KIF18A: variants seen among roughly 807,000 people sequenced by gnomAD.
The protein encoded by KIF18A is kinesin family member 18A.
Under a neutral mutation model 103.3 loss-of-function variants are expected in KIF18A, and 67 were observed. That is an observed-to-expected ratio of 0.65 (90% CI 0.53 to 0.79). The LOEUF is 0.79. Among genes scored for constraint, KIF18A ranks in the 30% least tolerant of loss-of-function variants. KIF18A has a pLI of 0.00. For missense variants in KIF18A, 1,032 were observed against 1,062.5 expected, an observed-to-expected ratio of 0.97 and a Z score of 0.40; for synonymous variants, 367 against 355.5, an observed-to-expected ratio of 1.03 and a Z score of -0.36.
Position 28,073,976 on chromosome 11 carries a change from A to G in KIF18A, c.1425+3031T>C, listed in dbSNP as rs888649119. 3.3e-5 allele frequency among the ~76,000 whole-genome samples: 5 copies of G among 152,194 alleles called. No individual in the cohort carries two copies. In the East Asian group the frequency reaches 7.7e-4, roughly 24 times the overall value. On this transcript the variant is annotated intron_variant, in intron 10 of 16. Transcript: ENST00000263181. Reference sequence around the variant, plus strand: ...GCACATTCAAATAATTGACACTTATATAATCTACACAAAACTGAGAAGAAT... The same window carrying G: ...GCACATTCAAATAATTGACACTTATGTAATCTACACAAAACTGAGAAGAAT...
intron 15 of KIF18A, among the ~76,000 whole-genome samples, chr11:28,029,359 G>A (rs1850364918): frequency 1.3e-5 from 2 of 152,298 alleles, no homozygotes; most frequent in South Asian, 4.1e-4. Context: ...TCCCTGGGAT[G>A]CAAGGCTGGT....
chr11:28,038,797 C>A (rs1203873065), intron 13 of KIF18A, among the ~76,000 whole-genome samples: 1 of 151,646 alleles, frequency 6.6e-6, no homozygotes, highest in Non-Finnish European at 1.5e-5. Flanking sequence ...TAAATGAGAT[C>A]CAGATCTTAA....
intron 1 of KIF18A, among the ~76,000 whole-genome samples, chr11:28,098,471 A>G (rs1422104701): frequency 6.6e-6 from 1 of 152,178 alleles, no homozygotes; most frequent in Non-Finnish European, 1.5e-5. Context: ...TTTTTAGTAA[A>G]AGTGATCTTG....
At position 28,097,859 on chromosome 11, in the gene KIF18A, A is replaced by G; in HGVS notation, c.89T>C (p.Phe30Ser). The G allele has an allele frequency of 1.9e-6, 3 of 1,612,034 alleles. No individual in the cohort carries two copies. Among genetic ancestry groups the G allele is most frequent in the Non-Finnish European group, 2.5e-6 (3 of 1,179,342 alleles). ...ATCCACAACATGAACCACTTTATGA[A>G]ATCCAGCTGCTTTTTCTTTAGTGTT... ...PENTKEKAAG[F>S]HKVVHVVDKH... The change falls in exon 2 of 17, where the codon TTT becomes TCT. Residue 30 changes from phenylalanine to serine, a missense_variant. Phe to Ser is a radical substitution (Grantham distance 155, BLOSUM62 -2). Transcript: ENST00000263181.
rs1590666858 is a variant in KIF18A, at chr11:28,036,803, A to C, written c.1949-139T>G. On this transcript the variant is annotated intron_variant, in intron 13 of 16. Coordinates refer to ENST00000263181, the MANE Select transcript of KIF18A (RefSeq NM_031217.4). Reference sequence around the variant, plus strand: ...TAAAAATCTGAAAAATATAAGTTGGAAAGGAAAATATCACGGTTTACTGCT... The same window carrying C: ...TAAAAATCTGAAAAATATAAGTTGGCAAGGAAAATATCACGGTTTACTGCT... The C allele has an allele frequency of 1.5e-5, 8 of 523,448 alleles. No homozygotes were observed. In the East Asian group the frequency reaches 2.3e-4, roughly 15 times the overall value. The allele number at this position is 523,448 out of a possible 1,614,324, so 32.4% of individuals were successfully genotyped here. A position where few individuals can be genotyped will look rare whatever the true frequency, so the allele number is the denominator to read the frequency against.
intron 15 of KIF18A, 48 bp from the exon 16 acceptor site, chr11:28,023,898 C>T (rs1483388570): frequency 6.3e-6 from 6 of 953,542 alleles, no homozygotes; most frequent in Non-Finnish European, 8.4e-6. Context: ...TTTTATACCT[C>T]AAAGTTCTAA....
intron 7 of KIF18A, 58 bp from the exon 8 acceptor site, chr11:28,083,301 T>C (rs1453283869): frequency 1.4e-6 from 2 of 1,478,064 alleles, no homozygotes; most frequent in African/African-American, 3.0e-5. Flanking sequence ...CAGAGATAAA[T>C]ACATGAATAA....
chr11:28,052,312 C>T (rs1850721416), intron 13 of KIF18A, among the ~76,000 whole-genome samples: 1 of 152,068 alleles, frequency 6.6e-6, no homozygotes, highest in Admixed American at 6.6e-5. Context: ...GAGTAAAAGA[C>T]TAATTAAGTC....
intron 1 of KIF18A, among the ~76,000 whole-genome samples, chr11:28,107,437 T>G (rs1320040275): frequency 6.6e-6 from 1 of 152,084 alleles, no homozygotes; most frequent in African/African-American, 2.4e-5. Flanking sequence ...TCTAAATGTT[T>G]ACAGTTTAAT....
chr11:28,105,899 C>G (rs776108181), intron 1 of KIF18A, among the ~76,000 whole-genome samples: 1 of 152,138 alleles, frequency 6.6e-6, no homozygotes, highest in Non-Finnish European at 1.5e-5. Context: ...GCATTCAATC[C>G]TTATAATAAT....
chr11:28,097,560 T>C (rs946399499), intron 2 of KIF18A, 63 bp downstream of exon 2: 1 of 1,037,088 alleles, frequency 9.6e-7, no homozygotes, highest in African/African-American at 1.6e-5. Context: ...GTCAAGTAGA[T>C]GTCCGTCCTA....
At chr11:28,076,241 C>G (rs941247770) in intron 10 of KIF18A, among the ~76,000 whole-genome samples, 1 of 152,130 alleles carries the variant, frequency 6.6e-6, no homozygotes, top group Non-Finnish European at 1.5e-5. Flanking sequence ...AATGTTTGGT[C>G]TGCTTTTCAT....
chr11:28,087,751 TG>T (rs1164116609), intron 6 of KIF18A, among the ~76,000 whole-genome samples: 1 of 152,184 alleles, frequency 6.6e-6, no homozygotes, highest in Non-Finnish European at 1.5e-5. Context: ...CAGCATCTGT[TG>T]TTTCCTGACT....
At chr11:28,038,130 A>C (rs1053896388) in intron 13 of KIF18A, among the ~76,000 whole-genome samples, 3 of 151,654 alleles carry the variant, frequency 2.0e-5, no homozygotes, top group African/African-American at 4.8e-5. Context: ...TAATCTTTAA[A>C]TAGAAACAAA....
chr11:28,056,668 C>G (rs1850784371), intron 13 of KIF18A: 1 of 158,928 alleles, frequency 6.3e-6, no homozygotes, highest in Non-Finnish European at 1.5e-5. Flanking sequence ...AAAACTATTA[C>G]AAGCCAAAGA....
chr11:28,092,100 C>T (rs1192198071), intron 3 of KIF18A, among the ~76,000 whole-genome samples: 1 of 152,188 alleles, frequency 6.6e-6, no homozygotes, highest in Non-Finnish European at 1.5e-5. Flanking sequence ...CAGGCGTGAG[C>T]CACCGCGCCC....
intron 3 of KIF18A, among the ~76,000 whole-genome samples, chr11:28,093,755 G>A (rs1044185099): frequency 6.6e-6 from 1 of 152,104 alleles, no homozygotes; most frequent in African/African-American, 2.4e-5. Flanking sequence ...ATAAAGAAAT[G>A]TACAAGAAAT....
chr11:28,026,710 T>A (rs765458098), intron 15 of KIF18A, among the ~76,000 whole-genome samples: 1 of 151,748 alleles, frequency 6.6e-6, no homozygotes, highest in African/African-American at 2.4e-5. Flanking sequence ...ATTATTCTTA[T>A]CTATAAACAT....
chr11:28,076,203 G>C (rs554983133), intron 10 of KIF18A, among the ~76,000 whole-genome samples: 13 of 152,014 alleles, frequency 8.6e-5, no homozygotes, highest in Middle Eastern at 3.4e-3. Flanking sequence ...GTATATTATT[G>C]TATTAAAAAA....
Sources: gnomAD v4.1 joint callset for allele counts (sites outside exome capture counted in the v4.1 genomes callset) on GRCh38, gnomAD v4.1.1 for gene constraint, MANE v1.5 for transcripts, NCBI Gene and HGNC (gene_info 2026-07-23, HGNC 2026-07-21) for gene names.